The following CCDC148 variants were observed in gnomAD, a reference collection of about 807,000 sequenced individuals.
The protein encoded by CCDC148 is coiled-coil domain-containing protein 148.
Under a neutral mutation model 85.7 loss-of-function variants are expected in CCDC148, and 89 were observed. That is an observed-to-expected ratio of 1.04 (90% CI 0.87 to 1.24). CCDC148 has a LOEUF of 1.24. Ranked by LOEUF, CCDC148 falls within the 50% of genes most tolerant of loss-of-function variation. CCDC148 has a pLI of 0.00. For synonymous variants in CCDC148, 230 were observed against 213.9 expected (o/e 1.08, Z -0.66); for missense variants, 692 against 671.7 (o/e 1.03, Z -0.33).
At chr2:158,399,281 A>C (rs1466702933) in intron 1 of CCDC148, among the ~76,000 whole-genome samples, 4 of 152,328 alleles carry the variant, frequency 2.6e-5, no homozygotes, top group Non-Finnish European at 4.4e-5. Context: ...TTATGAGGCC[A>C]GCATCATCCT....
intron 1 of CCDC148, among the ~76,000 whole-genome samples, chr2:158,451,977 A>G (rs1048159705): frequency 6.6e-6 from 1 of 152,196 alleles, no homozygotes; most frequent in Non-Finnish European, 1.5e-5. Context: ...ATCTCACAAA[A>G]CAAAAAGAAA....
intron 9 of CCDC148, among the ~76,000 whole-genome samples, chr2:158,282,291 A>G (rs943808873): frequency 9.9e-5 from 15 of 152,112 alleles, no homozygotes; most frequent in South Asian, 2.1e-4. Flanking sequence ...AATCAGGCAG[A>G]AGAAGGAAAT....
chr2:158,181,417 C>T (rs55836085), intron 11 of CCDC148, among the ~76,000 whole-genome samples: 6,066 of 152,192 alleles, frequency 0.04, 185 homozygotes, highest in Middle Eastern at 0.068. Context: ...GGTGATACAA[C>T]GTCAACATGG....
intron 9 of CCDC148, among the ~76,000 whole-genome samples, chr2:158,298,841 T>C (rs1691314067): frequency 6.6e-6 from 1 of 152,334 alleles, no homozygotes; most frequent in South Asian, 2.1e-4. Context: ...ACTACAAATA[T>C]CTGGATAATC....
intron 1 of CCDC148, chr2:158,425,137 A>G: frequency 2.0e-6 from 1 of 504,144 alleles, no homozygotes; most frequent in South Asian, 1.4e-5. Context: ...AATAGTGCCT[A>G]TGGTGGTGAT....
chr2:158,430,887 A>T (rs1028783980), intron 1 of CCDC148, among the ~76,000 whole-genome samples: 1 of 152,120 alleles, frequency 6.6e-6, no homozygotes, highest in African/African-American at 2.4e-5. Flanking sequence ...CATAATAAAA[A>T]ATGAAAGAGA....
intron 7 of CCDC148, among the ~76,000 whole-genome samples, chr2:158,330,448 G>C (rs1378054087): frequency 6.6e-6 from 1 of 152,106 alleles, no homozygotes; most frequent in Non-Finnish European, 1.5e-5. Flanking sequence ...ATGTTTATCA[G>C]CGATATTGGT....
At chr2:158,295,904 G>A (rs1181557349) in intron 9 of CCDC148, among the ~76,000 whole-genome samples, 4 of 152,002 alleles carry the variant, frequency 2.6e-5, no homozygotes, top group Admixed American at 6.6e-5. Context: ...GAAATAAAGG[G>A]TATTCAATTA....
intron 11 of CCDC148, among the ~76,000 whole-genome samples, chr2:158,192,655 C>G (rs749653431): frequency 1.3e-5 from 2 of 151,874 alleles, no homozygotes; most frequent in Non-Finnish European, 2.9e-5. Flanking sequence ...AGAGCTCTCT[C>G]CCTTCATGAG....
intron 10 of CCDC148, among the ~76,000 whole-genome samples, chr2:158,246,216 A>G (rs1204270169): frequency 6.6e-6 from 1 of 152,132 alleles, no homozygotes; most frequent in Non-Finnish European, 1.5e-5. Flanking sequence ...AGATGGGGGG[A>G]AAACAGAGCA....
intron 7 of CCDC148, among the ~76,000 whole-genome samples, chr2:158,332,099 C>T (rs1363115624): frequency 6.6e-6 from 1 of 151,998 alleles, no homozygotes; most frequent in Admixed American, 6.6e-5. Context: ...TTCTTCCTAG[C>T]CTTGATGGTC....
At chr2:158,417,113 C>T (rs1686535859) in intron 1 of CCDC148, among the ~76,000 whole-genome samples, 1 of 152,156 alleles carries the variant, frequency 6.6e-6, no homozygotes, top group Admixed American at 6.5e-5. Context: ...CCCTCATGAC[C>T]CAATTACTTT....
intron 11 of CCDC148, among the ~76,000 whole-genome samples, chr2:158,217,389 TATATAC>T (rs1558990275): frequency 8.5e-5 from 8 of 93,764 alleles, no homozygotes; most frequent in Admixed American, 2.7e-4. Flanking sequence ...TATATATATA[TATATAC>T]ACACACACAT....
intron 1 of CCDC148, among the ~76,000 whole-genome samples, chr2:158,367,601 C>T (rs1442216527): frequency 6.6e-6 from 1 of 152,146 alleles, no homozygotes; most frequent in African/African-American, 2.4e-5. Flanking sequence ...AAATGTTTCT[C>T]ACCATCTCTA....
chr2:158,365,593 G>C (rs1361404724), intron 1 of CCDC148, among the ~76,000 whole-genome samples: 1 of 152,096 alleles, frequency 6.6e-6, no homozygotes, highest in Non-Finnish European at 1.5e-5. Context: ...ACTCATAAGT[G>C]GGAGTTGAAC....
chr2:158,221,260 T>C (rs1156646918), intron 10 of CCDC148, among the ~76,000 whole-genome samples: 2 of 152,210 alleles, frequency 1.3e-5, no homozygotes, highest in African/African-American at 4.8e-5. Flanking sequence ...ATAGTAGTTC[T>C]GACTTATGTG....
intron 1 of CCDC148, among the ~76,000 whole-genome samples, chr2:158,380,096 A>C (rs1684810371): frequency 6.6e-6 from 1 of 152,128 alleles, no homozygotes; most frequent in African/African-American, 2.4e-5. Flanking sequence ...CTGTATCAAA[A>C]TTCTTAACAT....
At chr2:158,400,891 G>A (rs1685750314) in intron 1 of CCDC148, among the ~76,000 whole-genome samples, 1 of 152,130 alleles carries the variant, frequency 6.6e-6, no homozygotes, top group Non-Finnish European at 1.5e-5. Context: ...GTGGGCAAAG[G>A]ATATGAACAG....
intron 1 of CCDC148, among the ~76,000 whole-genome samples, chr2:158,374,585 G>A (rs1301417122): frequency 6.6e-6 from 1 of 151,860 alleles, no homozygotes; most frequent in East Asian, 1.9e-4. Context: ...AGAGGATGCT[G>A]CAATTGGAGG....
Sources: allele counts gnomAD v4.1 joint callset (sites outside exome capture counted in the v4.1 genomes callset), GRCh38; gene constraint gnomAD v4.1.1; transcripts MANE v1.5; gene names NCBI Gene and HGNC (gene_info 2026-07-23, HGNC 2026-07-21).